Variants in COL5A2 observed in about 807,000 individuals in gnomAD.
COL5A2 encodes the protein collagen type V alpha 2 chain.
Under a neutral mutation model 208.2 loss-of-function variants are expected in COL5A2, and 23 were observed. The observed-to-expected ratio is 0.11, with a 90% confidence interval of 0.08 to 0.16. The LOEUF is 0.16. Ranked by LOEUF, COL5A2 falls within the 10% of genes least tolerant of loss-of-function variation. The pLI is 1.00. For synonymous variants in COL5A2, 625 were observed against 628.5 expected, an observed-to-expected ratio of 0.99 and a Z score of 0.08; for missense variants, 1,590 against 1,956.4, an observed-to-expected ratio of 0.81 and a Z score of 3.53.
At chr2:189,314,865 C>T in the COL5A2 span, among the ~76,000 whole-genome samples, 1 of 152,152 alleles carries the variant, frequency 6.6e-6, no homozygotes, top group Admixed American at 6.5e-5. Context: ...CATACACCCT[C>T]CTACGACTGA....
At chr2:189,295,713 A>T in the COL5A2 span, among the ~76,000 whole-genome samples, 5,614 of 152,314 alleles carry the variant, frequency 0.037, 119 homozygotes, top group Admixed American at 0.05. Flanking sequence ...CATAGACAAC[A>T]TGGATACAAA....
Position 189,064,575 on chromosome 2 carries a change from A to G in COL5A2, c.1698T>C (p.Pro566=). Residue 566 remains proline (P), a synonymous_variant, in exon 25 of 54, where the codon CCT becomes CCC. Coordinates refer to ENST00000374866, the MANE Select transcript of COL5A2 (RefSeq NM_000393.5). ...TTCTTACCCGAGCACCTGGAAGCCC[A>G]GGTTCCCCTGGACGTCCTGGATCCC... ...SQGDPGRPGE[P]GLPGARGLTG... is the part of the protein sequence containing the mutation. 1 of 1,613,840 alleles carries G rather than the reference A, an allele frequency of 6.2e-7. No individual in the cohort carries two copies. Among genetic ancestry groups the G allele is most frequent in the Non-Finnish European group, 8.5e-7 (1 of 1,179,832 alleles).
Position 189,054,178 on chromosome 2 carries a change from G to C in COL5A2, c.2426C>G (p.Ala809Gly). 6 of 1,614,032 alleles carry C rather than the reference G, an allele frequency of 3.7e-6. No individual in the cohort carries two copies. The highest frequency in any genetic ancestry group is 5.1e-6 in the Non-Finnish European group (6 of 1,179,928). Residue 809 changes from alanine to glycine, a missense_variant, in exon 36 of 54, where the codon GCA (alanine) becomes GGA (glycine). Coordinates refer to ENST00000374866, the MANE Select transcript of COL5A2 (RefSeq NM_000393.5). Reference protein sequence around the residue: ...LPGPLGPPGPAGPTGEKGEPG... With the variant: ...LPGPLGPPGPGGPTGEKGEPG... Reference sequence around the variant, plus strand: ...ACTTACCTTTTCTCCAGTAGGACCTGCCGGACCTGGAGGGCCCAAAGGACC... The same window carrying C: ...ACTTACCTTTTCTCCAGTAGGACCTCCCGGACCTGGAGGGCCCAAAGGACC...
the COL5A2 span, among the ~76,000 whole-genome samples, chr2:189,269,083 A>G: frequency 5.3e-5 from 8 of 152,134 alleles, no homozygotes; most frequent in Non-Finnish European, 7.4e-5. Flanking sequence ...ATGCCAGGAA[A>G]TTCATCTTAG....
the COL5A2 span, among the ~76,000 whole-genome samples, chr2:189,245,341 T>A: frequency 6.6e-6 from 1 of 152,182 alleles, no homozygotes; most frequent in South Asian, 2.1e-4. Flanking sequence ...AAACTTACTG[T>A]AACAGTTAGA....
At chr2:189,331,782 C>G in the COL5A2 span, among the ~76,000 whole-genome samples, 1 of 151,866 alleles carries the variant, frequency 6.6e-6, no homozygotes, top group Non-Finnish European at 1.5e-5. Context: ...AACCCCATCT[C>G]TACTAAAAAT....
the COL5A2 span, among the ~76,000 whole-genome samples, chr2:189,284,614 G>T: frequency 6.6e-6 from 1 of 152,032 alleles, no homozygotes; most frequent in African/African-American, 2.4e-5. Flanking sequence ...TACATGGGGG[G>T]ATTACAATTC....
chr2:189,171,407 G>T (rs1202270858), intron 1 of COL5A2, among the ~76,000 whole-genome samples: 1 of 152,202 alleles, frequency 6.6e-6, no homozygotes, highest in Non-Finnish European at 1.5e-5. Flanking sequence ...GCAAGGAGAT[G>T]AATTTAGATG....
chr2:189,385,644 G>GA, the COL5A2 span, among the ~76,000 whole-genome samples: 62 of 147,254 alleles, frequency 4.2e-4, no homozygotes, highest in South Asian at 6.6e-4. Flanking sequence ...ATACAGAATC[G>GA]AAAAAAAAAC....
At chr2:189,359,649 C>T in the COL5A2 span, among the ~76,000 whole-genome samples, 2 of 152,040 alleles carry the variant, frequency 1.3e-5, no homozygotes, top group African/African-American at 2.4e-5. Flanking sequence ...TTGGTGTTGG[C>T]TCTTATTTAA....
intron 2 of COL5A2, among the ~76,000 whole-genome samples, chr2:189,108,205 C>A (rs1187703844): frequency 6.6e-6 from 1 of 151,678 alleles, no homozygotes; most frequent in South Asian, 2.1e-4. Context: ...TAGTCTTTTT[C>A]TAGATTTAAA....
At position 189,179,673 on chromosome 2, in the gene COL5A2, G is replaced by T; in HGVS notation, c.-69C>A. 1 of 1,549,812 alleles carries T rather than the reference G, an allele frequency of 6.5e-7. No individual in the cohort carries two copies. Among genetic ancestry groups the T allele is most frequent in the Non-Finnish European group, 8.7e-7 (1 of 1,148,216 alleles). On this transcript the variant is annotated 5_prime_UTR_variant, in exon 1 of 54. Transcript: ENST00000374866. ...GATTCTGAGGTTATTGTAGCACCAT[G>T]AAGTCAGCTGTGGGCTCTTCTTTCA...
intron 1 of COL5A2, among the ~76,000 whole-genome samples, chr2:189,216,673 T>C (rs572307497): frequency 2.6e-5 from 4 of 152,198 alleles, no homozygotes; most frequent in Non-Finnish European, 4.4e-5. Context: ...CAAATCACAA[T>C]TCTAATTCTG....
intron 1 of COL5A2, among the ~76,000 whole-genome samples, chr2:189,202,184 G>C (rs927810081): frequency 6.6e-6 from 1 of 151,864 alleles, no homozygotes; most frequent in African/African-American, 2.4e-5. Context: ...TCTAGCAGTG[G>C]GGGGAGAATA....
At chr2:189,212,774 T>C (rs568439238) in intron 1 of COL5A2, among the ~76,000 whole-genome samples, 99 of 151,286 alleles carry the variant, frequency 6.5e-4, no homozygotes, top group African/African-American at 2.3e-3. Flanking sequence ...CCAAGATAAA[T>C]TGGGGTGGCA....
the COL5A2 span, among the ~76,000 whole-genome samples, chr2:189,291,803 T>TAA: frequency 2.1e-4 from 31 of 149,816 alleles, no homozygotes; most frequent in African/African-American, 6.6e-4. Context: ...CTCTTTGGTT[T>TAA]AAAAAAAAAA....
chr2:189,105,906 A>G (rs1231149047), intron 2 of COL5A2, among the ~76,000 whole-genome samples: 3 of 151,472 alleles, frequency 2.0e-5, no homozygotes, highest in Non-Finnish European at 3.0e-5. Context: ...TTATGAAATA[A>G]TTCTTCTTTT....
intron 1 of COL5A2, among the ~76,000 whole-genome samples, chr2:189,168,423 C>T (rs1688512626): frequency 6.6e-6 from 1 of 152,052 alleles, no homozygotes; most frequent in Non-Finnish European, 1.5e-5. Context: ...CAGTTAACCT[C>T]ACTGTCCAAT....
chr2:189,213,222 G>T (rs1055363115), intron 1 of COL5A2, among the ~76,000 whole-genome samples: 4 of 151,810 alleles, frequency 2.6e-5, no homozygotes, highest in African/African-American at 9.7e-5. Context: ...CTTAAAGGGG[G>T]GAGTTGTATA....
Sources: gnomAD v4.1 joint callset for allele counts (sites outside exome capture counted in the v4.1 genomes callset) on GRCh38, gnomAD v4.1.1 for gene constraint, MANE v1.5 for transcripts, NCBI Gene and HGNC (gene_info 2026-07-23, HGNC 2026-07-21) for gene names.